The following PARD3B variants were observed in gnomAD, a reference collection of about 807,000 sequenced individuals.
The protein encoded by PARD3B is partitioning defective 3 homolog B.
A neutral mutation model predicts 130.2 loss-of-function variants in PARD3B; 103 were observed. The observed-to-expected ratio is 0.79, with a 90% confidence interval of 0.67 to 0.93. The LOEUF (loss-of-function observed/expected upper bound fraction) is 0.93, where lower values mean the gene tolerates loss of function less well. Ranked by LOEUF, PARD3B falls within the 40% of genes least tolerant of loss-of-function variation. The pLI is 0.00. For synonymous variants in PARD3B, 583 were observed against 553.2 expected, an observed-to-expected ratio of 1.05 and a Z score of -0.76; for missense variants, 1,609 against 1,499.2, an observed-to-expected ratio of 1.07 and a Z score of -1.21.
In PARD3B at chr2:205,440,610, C is replaced by G. The variant is rs371223739; in HGVS notation, c.2982C>G (p.Asp994Glu). Residue 994 changes from aspartate to glutamate, a missense_variant, in exon 20 of 23, where the codon GAC becomes GAG. By Grantham distance (45) the Asp-to-Glu change is conservative (BLOSUM62 2). Coordinates refer to ENST00000406610, the MANE Select transcript of PARD3B (RefSeq NM_001302769.2). This position sits in a 1 kb window ranked among gnomAD's most constrained non-coding sequence, Gnocchi z 4.2. Reference sequence around the variant, plus strand: ...GCCATCCACTGTCTCCAGAAAGAGACCACTTAGAGGGTCTCTATGCCAAGG... The same window carrying G: ...GCCATCCACTGTCTCCAGAAAGAGAGCACTTAGAGGGTCTCTATGCCAAGG... The part of the protein sequence containing the change: ...RDGHPLSPER[D>E]HLEGLYAKVN... The G allele has an allele frequency of 6.2e-7, 1 of 1,614,000 alleles. No homozygotes were observed. The highest frequency in any genetic ancestry group is 8.5e-7 in the Non-Finnish European group (1 of 1,179,934).
intron 11 of PARD3B, among the ~76,000 whole-genome samples, chr2:205,162,740 G>GA (rs1450336305): frequency 3.9e-5 from 6 of 152,104 alleles, no homozygotes; most frequent in Non-Finnish European, 7.4e-5. Context: ...GTTGCAGTTA[G>GA]AAAAAATACC....
chr2:205,509,805 T>C (rs569883011), intron 21 of PARD3B, among the ~76,000 whole-genome samples: 23 of 152,316 alleles, frequency 1.5e-4, no homozygotes, highest in African/African-American at 5.5e-4. Flanking sequence ...AGTGACCTGA[T>C]CCCAAGAGTG....
chr2:205,074,752 A>C lies in PARD3B; in HGVS notation c.504+27062A>C, dbSNP rs1247745781. 2.0e-5 allele frequency among the ~76,000 whole-genome samples: 3 copies of C among 152,244 alleles called. 1 individual carries two copies. Among genetic ancestry groups the C allele is most frequent in the East Asian group, 1.9e-4 (1 of 5,200 alleles). On this transcript the variant is annotated intron_variant, in intron 4 of 22. Transcript: ENST00000406610. ...TGTAAATGGCAGCACCCAATGACCCAGATTCCCCTTCTATTTCACAGGCGC... is the reference window on the plus strand; with the variant it reads ...TGTAAATGGCAGCACCCAATGACCCCGATTCCCCTTCTATTTCACAGGCGC...
chr2:204,957,858 T>C (rs1690400321), intron 2 of PARD3B, among the ~76,000 whole-genome samples: 1 of 152,192 alleles, frequency 6.6e-6, no homozygotes, highest in Non-Finnish European at 1.5e-5. Flanking sequence ...TTTAATTGTG[T>C]TTATTAAGAT....
At chr2:204,819,182 G>A (rs13418166) in intron 2 of PARD3B, among the ~76,000 whole-genome samples, 36,982 of 151,828 alleles carry the variant, frequency 0.24, 7,827 homozygotes, top group African/African-American at 0.57. Context: ...GTGTTTTTTT[G>A]CAAATTGAAG....
intron 2 of PARD3B, among the ~76,000 whole-genome samples, chr2:204,746,774 G>A (rs1054676481): frequency 7.2e-5 from 11 of 152,194 alleles, no homozygotes; most frequent in Admixed American, 2.6e-4. Flanking sequence ...CTGCATAAAT[G>A]TCTTCTTTTG....
intron 2 of PARD3B, among the ~76,000 whole-genome samples, chr2:204,783,917 A>ACTAGTTTCCAG (rs1442518304): frequency 6.6e-6 from 1 of 152,028 alleles, no homozygotes; most frequent in Non-Finnish European, 1.5e-5. Flanking sequence ...CAGTATAAAA[A>ACTAGTTTCCAG]CTAGTTTCCA....
chr2:204,955,320 A>G (rs1690142239), intron 2 of PARD3B, among the ~76,000 whole-genome samples: 1 of 152,268 alleles, frequency 6.6e-6, no homozygotes, highest in Admixed American at 6.5e-5. Context: ...GGTTGGAATC[A>G]TAATATACTA....
chr2:204,547,802 A>C (rs1041711108), intron 1 of PARD3B, among the ~76,000 whole-genome samples: 2 of 152,216 alleles, frequency 1.3e-5, no homozygotes, highest in Non-Finnish European at 2.9e-5. Context: ...AATAACATGA[A>C]GAGAACTAAC....
At chr2:205,441,512 G>C (rs558149989) in intron 20 of PARD3B, among the ~76,000 whole-genome samples, 3 of 152,300 alleles carry the variant, frequency 2.0e-5, no homozygotes, top group Non-Finnish European at 2.9e-5. Flanking sequence ...GGAGGGAGGT[G>C]GTGGGGAAGA....
intron 3 of PARD3B, among the ~76,000 whole-genome samples, chr2:205,027,388 T>C (rs192470898): frequency 6.0e-4 from 91 of 152,344 alleles, no homozygotes; most frequent in Admixed American, 1.9e-3. Context: ...TTCATGTCCT[T>C]TGCCCATTAT....
intron 1 of PARD3B, among the ~76,000 whole-genome samples, chr2:204,624,882 C>T (rs967715988): frequency 1.3e-5 from 2 of 152,124 alleles, no homozygotes; most frequent in African/African-American, 4.8e-5. Context: ...GTTTCTCTAT[C>T]CTCACCAGCA....
intron 16 of PARD3B, among the ~76,000 whole-genome samples, chr2:205,254,724 C>T (rs1173840397): frequency 3.3e-5 from 5 of 149,872 alleles, no homozygotes; most frequent in African/African-American, 7.4e-5. Context: ...AGTGCAGTGG[C>T]GCGATCTCGG....
At chr2:205,006,073 C>T (rs945351501) in intron 3 of PARD3B, among the ~76,000 whole-genome samples, 1 of 152,152 alleles carries the variant, frequency 6.6e-6, no homozygotes, top group African/African-American at 2.4e-5. Flanking sequence ...TTTGGTTTTC[C>T]ATTCCTGAGT....
At chr2:205,182,010 G>A (rs748413662) in intron 13 of PARD3B, among the ~76,000 whole-genome samples, 14 of 152,136 alleles carry the variant, frequency 9.2e-5, no homozygotes, top group Non-Finnish European at 1.8e-4. Context: ...ATGTAACAAG[G>A]GGCCGGGTGT....
chr2:204,557,518 T>A (rs2125050773), intron 1 of PARD3B, among the ~76,000 whole-genome samples: 1 of 152,326 alleles, frequency 6.6e-6, no homozygotes, highest in South Asian at 2.1e-4. Flanking sequence ...CTTTATTTTC[T>A]TATCTCTGTT....
intron 3 of PARD3B, among the ~76,000 whole-genome samples, chr2:205,037,043 T>C (rs989283144): frequency 1.3e-5 from 2 of 149,700 alleles, no homozygotes; most frequent in Admixed American, 1.3e-4. Context: ...ACTGTATACA[T>C]AAAACAAATA....
chr2:205,525,347 G>A lies in PARD3B; in HGVS notation c.3180+25316G>A, dbSNP rs2051290133. On this transcript the variant is annotated intron_variant, in intron 21 of 22. Transcript: ENST00000406610. The surrounding 1 kb of genome is among the most constrained non-coding windows in gnomAD (Gnocchi z 4.2). ...TCACATGTCACCATAACTTCAGTAG[G>A]GCTAAGCTGGAAAGGCCAAAGAAAT... Among the ~76,000 whole-genome samples the A allele has an allele frequency of 6.6e-6, 1 of 152,084 alleles. No homozygotes were observed. Among genetic ancestry groups the A allele is most frequent in the Non-Finnish European group, 1.5e-5 (1 of 68,022 alleles).
At chr2:205,404,096 A>G (rs902599827) in intron 19 of PARD3B, among the ~76,000 whole-genome samples, 55 of 152,218 alleles carry the variant, frequency 3.6e-4, no homozygotes, top group African/African-American at 1.2e-3. Context: ...CCATAATCCC[A>G]TAACCACTAC....
Sources: gnomAD v4.1 joint callset for allele counts (sites outside exome capture counted in the v4.1 genomes callset) on GRCh38, gnomAD v4.1.1 for gene constraint, Gnocchi (gnomAD v3.1) non-coding constraint, MANE v1.5 for transcripts, NCBI Gene and HGNC (gene_info 2026-07-23, HGNC 2026-07-21) for gene names.